The following MFSD6 variants were observed in gnomAD, a reference collection of about 807,000 sequenced individuals.
MFSD6 encodes the protein major facilitator superfamily domain containing 6, also known as major facilitator superfamily domain-containing protein 6.
A neutral mutation model predicts 56.3 loss-of-function variants in MFSD6; 26 were observed. The observed-to-expected ratio is 0.46, with a 90% CI of 0.34 to 0.64. The LOEUF (loss-of-function observed/expected upper bound fraction) is 0.64, where lower values mean the gene tolerates loss of function less well. Ranked by LOEUF, MFSD6 falls within the 30% of genes least tolerant of loss-of-function variation. The pLI, the probability that MFSD6 is intolerant of heterozygous loss-of-function variation, is 0.01. For missense variants in MFSD6, 750 were observed against 986.2 expected, an observed-to-expected ratio of 0.76 and a Z score of 3.21; for synonymous variants, 331 against 366.9, an observed-to-expected ratio of 0.90 and a Z score of 1.12.
chr2:190,431,526 A>T lies in MFSD6; in HGVS notation c.-53-4451A>T, dbSNP rs1342813538. Among the ~76,000 whole-genome samples the T allele has an allele frequency of 6.6e-6, 1 of 152,206 alleles. No homozygotes were observed. Among genetic ancestry groups the T allele is most frequent in the African/African-American group, 2.4e-5 (1 of 41,458 alleles). On this transcript the variant is annotated intron_variant, in intron 2 of 7. Transcript: ENST00000392328. This position sits in a 1 kb window ranked among gnomAD's most constrained non-coding sequence, Gnocchi z 4.4. ...GAGACTAGCCCGGCCAACACAGCGA[A>T]ACCCCGTCTCCACCAAAAAAATACG...
At position 190,412,459 on chromosome 2, in the gene MFSD6, G is replaced by A. The variant is rs1025734759; in HGVS notation, c.-175-2833G>A. 2 of 985,236 alleles carry A rather than the reference G, an allele frequency of 2.0e-6. No homozygotes were observed. The highest frequency in any genetic ancestry group is 2.4e-6 in the Non-Finnish European group (2 of 829,918). 61.0% of individuals were successfully genotyped at this position (985,236 alleles called of 1,614,324 possible). The stretch of plus-strand genomic sequence containing the variant: ...GGTTATCTTTAAAGGCAGAAATCAA[G>A]TGCAAAGTCCTACCCTACTACAAGG... On this transcript the variant is annotated intron_variant, in intron 1 of 7. Coordinates refer to ENST00000392328, the MANE Select transcript of MFSD6 (RefSeq NM_017694.4). The surrounding 1 kb of genome is among the most constrained non-coding windows in gnomAD (Gnocchi z 4.1).
chr2:190,454,905 CTGTA>C lies in MFSD6; in HGVS notation c.1533-14847_1533-14844del, dbSNP rs1442664091. Among the ~76,000 whole-genome samples, 2 of 149,732 alleles carry C rather than the reference CTGTA, an allele frequency of 1.3e-5. No homozygotes were observed. The highest frequency in any genetic ancestry group is 2.9e-5 in the Non-Finnish European group (2 of 67,912). On this transcript the variant is annotated intron_variant, in intron 3 of 7. Coordinates refer to ENST00000392328, the MANE Select transcript of MFSD6 (RefSeq NM_017694.4). This position sits in a 1 kb window ranked among gnomAD's most constrained non-coding sequence, Gnocchi z 4.6. ...CCGGCAACGGCAAACTTGTATTTTT[CTGTA>C]TGTATATGTGTTCCTGGTTTCTGTA...
chr2:190,435,979 C>A lies in MFSD6; in HGVS notation c.-51C>A, dbSNP rs757263783. 21 of 1,545,606 alleles carry A rather than the reference C, an allele frequency of 1.4e-5. No homozygotes were observed. The South Asian group carries it at 2.4e-4, about 18-fold the overall frequency. On this transcript the variant is annotated splice_region_variant and 5_prime_UTR_variant, in exon 3 of 8. Transcript: ENST00000392328. The stretch of plus-strand genomic sequence containing the variant: ...ATCTTTTAAATTTTACTTTACAGAT[C>A]AACAGTACAAATTCTGAAGTTTGTA...
rs1472259903 is a variant in MFSD6 at position 190,447,645 on chromosome 2, C to T, written c.1532+10084C>T. Among the ~76,000 whole-genome samples the T allele has an allele frequency of 6.6e-6, 1 of 152,174 alleles. No individual in the cohort carries two copies. Among genetic ancestry groups the T allele is most frequent in the Non-Finnish European group, 1.5e-5 (1 of 68,032 alleles). On this transcript the variant is annotated intron_variant, in intron 3 of 7. Transcript: ENST00000392328. The surrounding 1 kb of genome is among the most constrained non-coding windows in gnomAD (Gnocchi z 4.5). ...GCTGGCAATATGAAAATTATAATTG[C>T]AGCTATTATTTATATGTGGGTAGAT...
At chr2:190,452,431 T>C (rs1345764680) in intron 3 of MFSD6, among the ~76,000 whole-genome samples, 1 of 152,240 alleles carries the variant, frequency 6.6e-6, no homozygotes, top group African/African-American at 2.4e-5. Flanking sequence ...CCCTATTTAA[T>C]CTTTTTAACA....
In MFSD6 at chr2:190,431,585, A is replaced by G. The variant is rs1317447397; in HGVS notation, c.-53-4392A>G. On this transcript the variant is annotated intron_variant, in intron 2 of 7. Coordinates refer to ENST00000392328, the MANE Select transcript of MFSD6 (RefSeq NM_017694.4). This position sits in a 1 kb window ranked among gnomAD's most constrained non-coding sequence, Gnocchi z 4.4. The stretch of plus-strand genomic sequence containing the variant: ...TCAGGTGTGGCGGCGCGCGCCTGCA[A>G]TCGCAGGCACTTGGCAGGCTGAGGC... 6.6e-6 allele frequency among the ~76,000 whole-genome samples: 1 copy of G among 152,206 alleles called. No homozygotes were observed. Among genetic ancestry groups the G allele is most frequent in the African/African-American group, 2.4e-5 (1 of 41,466 alleles).
At position 190,497,582 on chromosome 2, in the gene MFSD6, G is replaced by C. The variant is rs1228485488; in HGVS notation, c.2035G>C (p.Glu679Gln). Residue 679 changes from glutamate (E) to glutamine (Q), a missense_variant, in exon 7 of 8, where the codon GAA becomes CAA. This residue lies in a region of MFSD6 where 172 missense variants were observed against 203.9 expected (regional missense o/e 0.84). Coordinates refer to ENST00000392328, the MANE Select transcript of MFSD6 (RefSeq NM_017694.4). This position sits in a 1 kb window ranked among gnomAD's most constrained non-coding sequence, Gnocchi z 5.2. ...ACCCAAGAAAACTAAGCACCAGGAA[G>C]AACAGGAAGATGTGAACAAACCAGC... ...LPPKKTKHQE[E>Q]QEDVNKPAWG... The C allele has an allele frequency of 6.2e-7, 1 of 1,614,038 alleles. No homozygotes were observed. Among genetic ancestry groups the C allele is most frequent in the Admixed American group, 1.7e-5 (1 of 60,006 alleles).
intron 3 of MFSD6, among the ~76,000 whole-genome samples, chr2:190,468,479 G>T (rs1217223032): frequency 1.3e-5 from 2 of 150,730 alleles, no homozygotes; most frequent in Non-Finnish European, 1.5e-5. Flanking sequence ...TTGAGACAGG[G>T]TCTTGCTCTG....
chr2:190,473,042 AT>A (rs1559131366), intron 4 of MFSD6, among the ~76,000 whole-genome samples: 1 of 152,198 alleles, frequency 6.6e-6, no homozygotes, highest in Non-Finnish European at 1.5e-5. Context: ...ATGCTGAGAG[AT>A]TTTGTCACCA....
At chr2:190,472,359 T>C (rs1263761866) in intron 4 of MFSD6, among the ~76,000 whole-genome samples, 1 of 152,124 alleles carries the variant, frequency 6.6e-6, no homozygotes, top group Admixed American at 6.5e-5. Context: ...GATGAATGGC[T>C]AACTACAATA....
At chr2:190,446,519 T>C (rs1483231173) in intron 3 of MFSD6, among the ~76,000 whole-genome samples, 1 of 152,214 alleles carries the variant, frequency 6.6e-6, no homozygotes, top group Admixed American at 6.5e-5. Flanking sequence ...AAAATCTGCC[T>C]AATAACTCAC....
rs1689980853 is a variant in MFSD6 at position 190,500,622 on chromosome 2, C to G, written c.*404C>G. ...CTGATTATTTATTCTTATTTGGTTC[C>G]TAACACAAACTGGGAAGAGATAGAA... On this transcript the variant is annotated 3_prime_UTR_variant, in exon 8 of 8. Transcript: ENST00000392328. The surrounding 1 kb of genome is among the most constrained non-coding windows in gnomAD (Gnocchi z 5.3). 6.0e-6 allele frequency: 1 copy of G among 166,068 alleles called. No individual in the cohort carries two copies. Among genetic ancestry groups the G allele is most frequent in the Non-Finnish European group, 1.3e-5 (1 of 76,166 alleles). The allele number at this position is 166,068 out of a possible 1,614,324, so 10.3% of individuals were successfully genotyped here. A position where few individuals can be genotyped will look rare whatever the true frequency, so the allele number is the denominator to read the frequency against.
Position 190,484,978 on chromosome 2 carries a change from G to A in MFSD6, c.1631-3679G>A, listed in dbSNP as rs1303150220. Among the ~76,000 whole-genome samples, 3 of 152,048 alleles carry A rather than the reference G, an allele frequency of 2.0e-5. No homozygotes were observed. In the East Asian group the frequency reaches 5.8e-4, roughly 29 times the overall value. ...AATTCCCTGAGTTAATTTAAAGAAT[G>A]TAATTCCCAATTATCTAATCAGTCT... On this transcript the variant is annotated intron_variant, in intron 4 of 7. Transcript: ENST00000392328.
intron 4 of MFSD6, among the ~76,000 whole-genome samples, chr2:190,481,964 G>C (rs920500448): frequency 2.6e-5 from 4 of 152,134 alleles, no homozygotes; most frequent in African/African-American, 9.7e-5. Context: ...CCTTTTCTTC[G>C]TGGACATGCA....
In MFSD6 at chr2:190,500,358, TG is replaced by T. The variant is rs1228140193; in HGVS notation, c.*142del. The T allele has an allele frequency of 1.9e-5, 16 of 833,738 alleles. No individual in the cohort carries two copies. In the African/African-American group the frequency reaches 2.4e-4, roughly 12 times the overall value. 51.6% of individuals were successfully genotyped at this position (833,738 alleles called of 1,614,324 possible). A position where few individuals can be genotyped will look rare whatever the true frequency, so the allele number is the denominator to read the frequency against. On this transcript the variant is annotated 3_prime_UTR_variant, in exon 8 of 8. Coordinates refer to ENST00000392328, the MANE Select transcript of MFSD6 (RefSeq NM_017694.4). This position sits in a 1 kb window ranked among gnomAD's most constrained non-coding sequence, Gnocchi z 5.3. ...TTCTAAATATCTAAACTCATTAACA[TG>T]GAAACACACACACAGGAGCTACAGT...
rs765917802 is a variant in MFSD6, at chr2:190,456,490, C to T, written c.1533-13268C>T. 2.0e-5 allele frequency among the ~76,000 whole-genome samples: 3 copies of T among 152,026 alleles called. No individual in the cohort carries two copies. The highest frequency in any genetic ancestry group is 2.9e-5 in the Non-Finnish European group (2 of 68,034). On this transcript the variant is annotated intron_variant, in intron 3 of 7. Transcript: ENST00000392328. This position sits in a 1 kb window ranked among gnomAD's most constrained non-coding sequence, Gnocchi z 5.4. ...GAAAAGATCGGGGCTCCTTTCAACCCGCTGGTGATATGAGCCCCACTCCGG... is the reference window on the plus strand; with the variant it reads ...GAAAAGATCGGGGCTCCTTTCAACCTGCTGGTGATATGAGCCCCACTCCGG...
At chr2:190,445,802 CGTG>C (rs67450617) in intron 3 of MFSD6, among the ~76,000 whole-genome samples, 45,021 of 151,764 alleles carry the variant, frequency 0.3, 7,375 homozygotes, top group Admixed American at 0.46. Flanking sequence ...AGATTCATAA[CGTG>C]GTAATATGGA....
At chr2:190,470,276 T>G (rs898974714) in intron 4 of MFSD6, among the ~76,000 whole-genome samples, 3 of 152,254 alleles carry the variant, frequency 2.0e-5, no homozygotes, top group Admixed American at 6.5e-5. Context: ...CAGTTATTTT[T>G]ATCACATCTG....
At chr2:190,444,873 C>A in intron 3 of MFSD6, 1 of 829,938 alleles carries the variant, frequency 1.2e-6, no homozygotes, top group Non-Finnish European at 1.5e-6. Flanking sequence ...TTATTTTATA[C>A]AAAATCATAG....
Sources: gnomAD v4.1 joint callset for allele counts (sites outside exome capture counted in the v4.1 genomes callset) on GRCh38, gnomAD v4.1.1 for gene constraint, gnomAD v4.1.1 regional missense constraint, Gnocchi (gnomAD v3.1) non-coding constraint, MANE v1.5 for transcripts, NCBI Gene and HGNC (gene_info 2026-07-23, HGNC 2026-07-21) for gene names.